Variants in STK10 observed in about 807,000 individuals in gnomAD.
STK10 encodes serine/threonine-protein kinase 10.
Under a neutral mutation model 113.8 loss-of-function variants are expected in STK10, and 78 were observed. That is an observed-to-expected ratio of 0.69 (90% CI 0.57 to 0.83). The LOEUF (loss-of-function observed/expected upper bound fraction) is 0.83, where lower values mean the gene tolerates loss of function less well. Among genes scored for constraint, STK10 ranks in the 40% least tolerant of loss-of-function variants. The pLI, the probability that STK10 is intolerant of heterozygous loss-of-function variation, is 0.00. For missense variants in STK10, 1,109 were observed against 1,280.1 expected, an observed-to-expected ratio of 0.87 and a Z score of 2.04; for synonymous variants, 465 against 494.7, an observed-to-expected ratio of 0.94 and a Z score of 0.80.
intron 2 of STK10, among the ~76,000 whole-genome samples, chr5:172,155,719 G>T (rs1031976327): frequency 3.3e-5 from 5 of 152,126 alleles, no homozygotes; most frequent in Admixed American, 6.5e-5. Context: ...AGAGGACTGG[G>T]CATGGTGGCT....
chr5:172,077,975 A>G (rs1349918940), intron 12 of STK10, among the ~76,000 whole-genome samples: 2 of 146,122 alleles, frequency 1.4e-5, no homozygotes, highest in African/African-American at 2.7e-5. Flanking sequence ...GGTAGTTCAG[A>G]GGCTGCTCAC....
At chr5:172,136,442 A>C (rs1769861263) in intron 2 of STK10, among the ~76,000 whole-genome samples, 1 of 152,102 alleles carries the variant, frequency 6.6e-6, no homozygotes, top group Admixed American at 6.5e-5. Flanking sequence ...TTAAAAATAC[A>C]AAAACTTAGC....
chr5:172,084,184 C>T (rs1482182961), intron 10 of STK10, among the ~76,000 whole-genome samples: 1 of 151,824 alleles, frequency 6.6e-6, no homozygotes, highest in Non-Finnish European at 1.5e-5. Flanking sequence ...GGTGGATCAC[C>T]TGAGGTCGGG....
intron 18 of STK10, among the ~76,000 whole-genome samples, chr5:172,050,622 T>C (rs958672917): frequency 6.6e-6 from 1 of 152,078 alleles, no homozygotes; most frequent in Non-Finnish European, 1.5e-5. Context: ...ACTAAGGATA[T>C]TTACTGCCAA....
intron 2 of STK10, among the ~76,000 whole-genome samples, chr5:172,156,340 G>C (rs988166295): frequency 6.6e-6 from 1 of 152,234 alleles, no homozygotes; most frequent in Non-Finnish European, 1.5e-5. Flanking sequence ...GCATGGAGAG[G>C]TTAGGAACTT....
In STK10 at chr5:172,055,757, C is replaced by T. The variant is rs376737600; in HGVS notation, c.2357G>A (p.Arg786His). 48 of 1,513,294 alleles carry T rather than the reference C, an allele frequency of 3.2e-5. No individual in the cohort carries two copies. Among genetic ancestry groups the T allele is most frequent in the Non-Finnish European group, 3.7e-5 (41 of 1,122,466 alleles). The allele number at this position is 1,513,294 out of a possible 1,614,324, so 93.7% of individuals were successfully genotyped here. The change falls in exon 16 of 19, where the codon CGC (arginine) becomes CAC (histidine). Residue 786 changes from arginine (R) to histidine (H), a missense_variant. This residue lies in a region of STK10 where 885 missense variants were observed against 991.1 expected (regional missense o/e 0.89). Coordinates refer to ENST00000176763, the MANE Select transcript of STK10 (RefSeq NM_005990.4). ...KHEKEREQMQRYNQRMIEQLK... is the reference protein window; with the variant it reads ...KHEKEREQMQHYNQRMIEQLK... ...CTGCTCTATCATGCGCTGGTTGTAGCGCTGCATCTGCTCCCGCTCCTGGAG... is the reference window on the plus strand; with the variant it reads ...CTGCTCTATCATGCGCTGGTTGTAGTGCTGCATCTGCTCCCGCTCCTGGAG...
intron 18 of STK10, among the ~76,000 whole-genome samples, chr5:172,048,414 T>TACACAC (rs370301917): frequency 0.031 from 3,929 of 128,446 alleles, 141 homozygotes; most frequent in Middle Eastern, 0.056. Context: ...TCCCTCTCCC[T>TACACAC]ACACACACAC....
intron 1 of STK10, among the ~76,000 whole-genome samples, chr5:172,181,438 T>TA (rs1430354150): frequency 6.6e-6 from 1 of 152,136 alleles, no homozygotes; most frequent in Non-Finnish European, 1.5e-5. Flanking sequence ...ACGTATTACG[T>TA]AAAGCGCCTA....
At chr5:172,058,311 G>A (rs1193730440) in intron 14 of STK10, among the ~76,000 whole-genome samples, 1 of 152,212 alleles carries the variant, frequency 6.6e-6, no homozygotes, top group East Asian at 1.9e-4. Context: ...AACATCATGG[G>A]ATAGGAAAAG....
intron 4 of STK10, chr5:172,108,126 T>C (rs1335291332): frequency 3.2e-6 from 1 of 310,190 alleles, no homozygotes; most frequent in East Asian, 5.8e-5. Context: ...ACCCATACCA[T>C]TTTAATCCAG....
chr5:172,186,644 A>G (rs2061184957), intron 1 of STK10, among the ~76,000 whole-genome samples: 1 of 152,140 alleles, frequency 6.6e-6, no homozygotes. Context: ...AGAAAAAAGA[A>G]AAAACGCCAC....
At chr5:172,112,933 A>G (rs1769272128) in intron 4 of STK10, among the ~76,000 whole-genome samples, 1 of 151,600 alleles carries the variant, frequency 6.6e-6, no homozygotes, top group Non-Finnish European at 1.5e-5. Flanking sequence ...TTTAGTAGAG[A>G]CGGGGGGTTT....
Position 172,105,727 on chromosome 5 carries a change from A to C in STK10, c.799T>G (p.Phe267Val), listed in dbSNP as rs1353908095. ...LLTPSKWSVE[F>V]RDFLKIALDK... ...AGGGCTATCTTCAGGAAGTCACGGA[A>C]CTCTACAGACCTGGGAGGACAGGCG... The change falls in exon 7 of 19, where the codon TTC becomes GTC. Residue 267 changes from phenylalanine (F) to valine (V), a missense_variant. Phe to Val is a conservative substitution (Grantham distance 50, BLOSUM62 -1). Transcript: ENST00000176763. The C allele has an allele frequency of 6.2e-7, 1 of 1,613,816 alleles. No homozygotes were observed. The highest frequency in any genetic ancestry group is 1.7e-5 in the Admixed American group (1 of 60,014).
chr5:172,056,433 G>T (rs986541121), intron 15 of STK10, among the ~76,000 whole-genome samples: 2 of 152,210 alleles, frequency 1.3e-5, no homozygotes, highest in African/African-American at 4.8e-5. Context: ...CAGCTCTGGG[G>T]AGTTCAGGGA....
At chr5:172,107,963 A>G in intron 4 of STK10, 111 bp from the exon 5 acceptor site, 1 of 823,476 alleles carries the variant, frequency 1.2e-6, no homozygotes, top group South Asian at 1.6e-5. Context: ...GCCATTTTCT[A>G]TCTAGCAAAT....
At chr5:172,071,689 A>G (rs1023922367) in intron 12 of STK10, among the ~76,000 whole-genome samples, 2 of 151,928 alleles carry the variant, frequency 1.3e-5, no homozygotes, top group Non-Finnish European at 2.9e-5. Flanking sequence ...CCTACTTAGG[A>G]ACCATCATGT....
At position 172,093,460 on chromosome 5, in the gene STK10, G is replaced by C; in HGVS notation, c.1506C>G (p.Leu502=). 1 of 1,613,618 alleles carries C rather than the reference G, an allele frequency of 6.2e-7. No homozygotes were observed. The change falls in exon 9 of 19, where the codon CTC becomes CTG. Residue 502 remains leucine, a synonymous_variant. Transcript: ENST00000176763. The surrounding 1 kb of genome is among the most constrained non-coding windows in gnomAD (Gnocchi z 4.1). The part of the protein sequence containing the change: ...TSESMDYGTN[L]STDLSLNKEM... ...CTTTGTTCAGCGACAGGTCAGTGGA[G>C]AGATTGGTACCATAGTCCATGCTCT...
intron 2 of STK10, among the ~76,000 whole-genome samples, chr5:172,139,554 T>C (rs1337062575): frequency 6.7e-6 from 1 of 148,534 alleles, no homozygotes; most frequent in Non-Finnish European, 1.5e-5. Context: ...ACATATATAG[T>C]CAAATGGGTT....
In STK10 at chr5:172,054,603, C is replaced by T; in HGVS notation, c.2618G>A (p.Cys873Tyr). Residue 873 changes from cysteine to tyrosine, a missense_variant, in exon 17 of 19, where the codon TGT (cysteine) becomes TAT (tyrosine). Physicochemically the swap from Cys to Tyr is radical, Grantham distance 194. Transcript: ENST00000176763. ...CTGCAGCTCGCTCATGTTGCTCTCA[C>T]ACTGCGCCAGCATGTCCCGCATCTG... is the stretch of plus-strand genomic sequence containing the variant. ...ENQMRDMLAQCESNMSELQQL... is the reference protein window; with the variant it reads ...ENQMRDMLAQYESNMSELQQL... The T allele has an allele frequency of 6.2e-7, 1 of 1,609,626 alleles. No homozygotes were observed. Among genetic ancestry groups the T allele is most frequent in the Non-Finnish European group, 8.5e-7 (1 of 1,179,822 alleles).
Sources: gnomAD v4.1 joint callset for allele counts (sites outside exome capture counted in the v4.1 genomes callset) on GRCh38, gnomAD v4.1.1 for gene constraint, gnomAD v4.1.1 regional missense constraint, Gnocchi (gnomAD v3.1) non-coding constraint, MANE v1.5 for transcripts, NCBI Gene and HGNC (gene_info 2026-07-23, HGNC 2026-07-21) for gene names.